MAP3K8: variants seen among roughly 807,000 people sequenced by gnomAD.
The protein encoded by MAP3K8 is Ewing sarcoma transformant.
MAP3K8 carries 22 observed loss-of-function variants against 45.8 expected under a neutral mutation model. The ratio of observed to expected loss-of-function variants is 0.48; its 90% CI spans 0.34 to 0.69. The LOEUF (loss-of-function observed/expected upper bound fraction) is 0.69, where lower values mean the gene tolerates loss of function less well. Among genes scored for constraint, MAP3K8 ranks in the 30% least tolerant of loss-of-function variants. MAP3K8 has a pLI of 0.01. For synonymous variants in MAP3K8, 223 were observed against 214.3 expected (o/e 1.04, Z -0.36); for missense variants, 419 against 585.0 (o/e 0.72, Z 2.93).
intron 3 of MAP3K8, among the ~76,000 whole-genome samples, chr10:30,446,100 C>T (rs1326044951): frequency 2.6e-5 from 4 of 152,192 alleles, no homozygotes; most frequent in African/African-American, 9.7e-5. Context: ...ACTGTGTCAC[C>T]CAGACTGGTC....
chr10:30,442,494 A>G (rs1836148012), intron 3 of MAP3K8, among the ~76,000 whole-genome samples: 1 of 152,242 alleles, frequency 6.6e-6, no homozygotes, highest in Admixed American at 6.5e-5. Flanking sequence ...AGAACCAGGA[A>G]TTACAAAAGC....
intron 1 of MAP3K8, among the ~76,000 whole-genome samples, chr10:30,435,543 T>C (rs76069125): frequency 0.01 from 1,541 of 150,766 alleles, 16 homozygotes; most frequent in Non-Finnish European, 9.6e-3. Flanking sequence ...TATGTATATA[T>C]GTATATATAA....
At chr10:30,437,589 G>C (rs1290712512) in intron 2 of MAP3K8, among the ~76,000 whole-genome samples, 183 bp downstream of exon 2, 2 of 152,220 alleles carry the variant, frequency 1.3e-5, no homozygotes, top group African/African-American at 4.8e-5. Flanking sequence ...GCTTTCCTCA[G>C]ACACAATTCA....
At chr10:30,458,766 A>T (rs573064334) in intron 7 of MAP3K8, among the ~76,000 whole-genome samples, 2 of 152,284 alleles carry the variant, frequency 1.3e-5, no homozygotes, top group South Asian at 4.2e-4. Context: ...GATGGGTTTA[A>T]CCTGGTATCC....
At chr10:30,443,577 G>A (rs1383462092) in intron 3 of MAP3K8, among the ~76,000 whole-genome samples, 2 of 152,164 alleles carry the variant, frequency 1.3e-5, no homozygotes, top group East Asian at 1.9e-4. Context: ...TATTTTGAAT[G>A]TGAGGATCCA....
chr10:30,458,388 T>A, intron 7 of MAP3K8, 152 bp downstream of exon 7: 1 of 487,066 alleles, frequency 2.1e-6, no homozygotes, highest in Non-Finnish European at 3.5e-6. Context: ...TCTTCCCATG[T>A]AGAAGCAAGC....
intron 4 of MAP3K8, among the ~76,000 whole-genome samples, chr10:30,449,146 T>C (rs1836448137): frequency 6.6e-6 from 1 of 152,236 alleles, no homozygotes; most frequent in African/African-American, 2.4e-5. Context: ...AAATCTGTGC[T>C]ACTGGATGTC....
intron 6 of MAP3K8, among the ~76,000 whole-genome samples, chr10:30,452,786 G>A (rs1363936174): frequency 2.0e-5 from 3 of 151,980 alleles, no homozygotes; most frequent in Non-Finnish European, 2.9e-5. Context: ...GGGTTCAAGC[G>A]CTTCTTAGTC....
intron 8 of MAP3K8, 109 bp from the exon 9 acceptor site, chr10:30,460,597 A>T: frequency 1.2e-6 from 1 of 859,674 alleles, no homozygotes; most frequent in Non-Finnish European, 1.8e-6. Context: ...TTTCACGCTT[A>T]AGACACTGTT....
rs8177001 is a variant in MAP3K8, at chr10:30,446,997, T to C, written c.337-785T>C. Among the ~76,000 whole-genome samples the C allele has an allele frequency of 5.9e-3, 904 of 152,302 alleles. 12 individuals carry two copies. The highest frequency in any genetic ancestry group is 0.021 in the African/African-American group (869 of 41,578). On this transcript the variant is annotated intron_variant, in intron 3 of 8. Transcript: ENST00000263056. The stretch of plus-strand genomic sequence containing the variant: ...AACTCCTGGCCTCAAGATATCCTCC[T>C]GCCTCAGTCTCCCAGTATGCTAGTA...
intron 6 of MAP3K8, 25 bp from the exon 7 acceptor site, chr10:30,458,059 T>C: frequency 6.9e-7 from 1 of 1,440,296 alleles, no homozygotes; most frequent in South Asian, 1.5e-5. Context: ...GGAATGAAGC[T>C]GAATGTTTCC....
At position 30,451,697 on chromosome 10, in the gene MAP3K8, C is replaced by G. The variant is rs954461874; in HGVS notation, c.826C>G (p.Gln276Glu). ...TTTGGTGGATTTTGGCCTAAGTGTTCAAATGACCGAAGATGTCTATTTTCC... is the reference window on the plus strand; with the variant it reads ...TTTGGTGGATTTTGGCCTAAGTGTTGAAATGACCGAAGATGTCTATTTTCC... Reference protein sequence around the residue: ...AVLVDFGLSVQMTEDVYFPKD... With the variant: ...AVLVDFGLSVEMTEDVYFPKD... Residue 276 changes from glutamine (Q) to glutamate (E), a missense_variant, in exon 6 of 9, where the codon CAA (glutamine) becomes GAA (glutamate). Coordinates refer to ENST00000263056, the MANE Select transcript of MAP3K8 (RefSeq NM_005204.4). 3 of 1,596,796 alleles carry G rather than the reference C, an allele frequency of 1.9e-6. No homozygotes were observed. The highest frequency in any genetic ancestry group is 2.6e-6 in the Non-Finnish European group (3 of 1,169,822).
chr10:30,443,864 TG>T (rs1411941531), intron 3 of MAP3K8, among the ~76,000 whole-genome samples: 2 of 152,184 alleles, frequency 1.3e-5, no homozygotes, highest in Non-Finnish European at 2.9e-5. Context: ...GTTGAAGAAC[TG>T]GCAGAGATAA....
intron 6 of MAP3K8, 47 bp downstream of exon 6, chr10:30,451,791 A>AT: frequency 3.7e-6 from 4 of 1,084,098 alleles, no homozygotes; most frequent in Non-Finnish European, 4.0e-6. Flanking sequence ...TAAGAATAAA[A>AT]AGGAAAAAAT....
At chr10:30,441,668 G>T (rs1365299339) in intron 3 of MAP3K8, among the ~76,000 whole-genome samples, 1 of 152,102 alleles carries the variant, frequency 6.6e-6, no homozygotes, top group East Asian at 1.9e-4. Context: ...GGCTCTGGGG[G>T]GCTGCGGTTG....
intron 4 of MAP3K8, 129 bp from the exon 5 acceptor site, chr10:30,450,128 CA>C: frequency 1.4e-6 from 1 of 737,122 alleles, no homozygotes; most frequent in Non-Finnish European, 2.1e-6. Flanking sequence ...CTGGGCAGTC[CA>C]TTTTCACACA....
chr10:30,460,123 G>A (rs764008743), intron 8 of MAP3K8, among the ~76,000 whole-genome samples: 5 of 152,180 alleles, frequency 3.3e-5, no homozygotes, highest in Non-Finnish European at 7.3e-5. Context: ...GATTACAGGC[G>A]TGAGCAACCA....
intron 4 of MAP3K8, among the ~76,000 whole-genome samples, chr10:30,450,008 T>C (rs946511281): frequency 2.0e-5 from 3 of 152,248 alleles, no homozygotes; most frequent in African/African-American, 4.8e-5. Context: ...TTCTGACTTC[T>C]AAATGAAAAG....
At chr10:30,458,494 G>A (rs1023504247) in intron 7 of MAP3K8, among the ~76,000 whole-genome samples, 22 of 152,258 alleles carry the variant, frequency 1.4e-4, no homozygotes, top group African/African-American at 5.1e-4. Context: ...GTGTAATAAT[G>A]CAACACTACT....
Sources: allele counts gnomAD v4.1 joint callset (sites outside exome capture counted in the v4.1 genomes callset), GRCh38; gene constraint gnomAD v4.1.1; transcripts MANE v1.5; gene names NCBI Gene and HGNC (gene_info 2026-07-23, HGNC 2026-07-21).